The following KCNJ12 variants were observed in gnomAD, a reference collection of about 807,000 sequenced individuals.
KCNJ12 encodes ATP-sensitive inward rectifier potassium channel 12.
A neutral mutation model predicts 22.3 loss-of-function variants in KCNJ12; 2 were observed. That is an observed-to-expected ratio of 0.09 (90% CI 0.04 to 0.28). The LOEUF is 0.28. KCNJ12 is among the 10% of genes least tolerant of loss of function. The pLI is 1.00. For missense variants in KCNJ12, 155 were observed against 633.3 expected (o/e 0.24, Z 8.11); for synonymous variants, 117 against 261.4 (o/e 0.45, Z 5.33).
chr17:21,398,648 T>G (rs1905464635), intron 1 of KCNJ12, among the ~76,000 whole-genome samples: 1 of 152,242 alleles, frequency 6.6e-6, no homozygotes, highest in South Asian at 2.1e-4. Flanking sequence ...TTCCTGGTGC[T>G]TCCCGCTGTC....
intron 1 of KCNJ12, among the ~76,000 whole-genome samples, chr17:21,381,847 T>C (rs1555557960): frequency 6.6e-6 from 1 of 152,242 alleles, no homozygotes; most frequent in Non-Finnish European, 1.5e-5. Flanking sequence ...GTGTCCCCAG[T>C]GCCTAAGCGG....
At chr17:21,399,357 C>G (rs1289960651) in intron 1 of KCNJ12, among the ~76,000 whole-genome samples, 2 of 152,206 alleles carry the variant, frequency 1.3e-5, no homozygotes, top group Non-Finnish European at 2.9e-5. Context: ...CAAAATAGGT[C>G]CTTTCTTCCT....
At chr17:21,393,639 C>T (rs561440732) in intron 1 of KCNJ12, among the ~76,000 whole-genome samples, 8 of 152,364 alleles carry the variant, frequency 5.3e-5, no homozygotes, top group Middle Eastern at 3.4e-3. Flanking sequence ...GGGGCTCCAC[C>T]TCATGGTTCC....
At chr17:21,391,761 C>T (rs1268888093) in intron 1 of KCNJ12, among the ~76,000 whole-genome samples, 2 of 152,222 alleles carry the variant, frequency 1.3e-5, no homozygotes, top group African/African-American at 4.8e-5. Context: ...GCACCTGGAT[C>T]CTACATGGTC....
In KCNJ12 at chr17:21,415,628, C is replaced by G. The variant is rs782252036; in HGVS notation, c.286C>G (p.Leu96Val). 6.2e-7 allele frequency: 1 copy of G among 1,613,758 alleles called. No homozygotes were observed. Among genetic ancestry groups the G allele is most frequent in the Non-Finnish European group, 8.5e-7 (1 of 1,180,000 alleles). The part of the protein sequence containing the change: ...IFSLAFLASW[L>V]LFGIIFWVIA... Reference sequence around the variant, plus strand: ...CTCGCTGGCCTTCCTTGCCTCCTGGCTGCTGTTCGGCATCATCTTCTGGGT... The same window carrying G: ...CTCGCTGGCCTTCCTTGCCTCCTGGGTGCTGTTCGGCATCATCTTCTGGGT... Residue 96 changes from leucine to valine, a missense_variant, in exon 3 of 3, where the codon CTG becomes GTG. Physicochemically the swap from Leu to Val is conservative, Grantham distance 32. Coordinates refer to ENST00000583088, the MANE Select transcript of KCNJ12 (RefSeq NM_021012.5).
At chr17:21,385,449 G>A (rs533111935) in intron 1 of KCNJ12, among the ~76,000 whole-genome samples, 29 of 152,308 alleles carry the variant, frequency 1.9e-4, no homozygotes, top group African/African-American at 1.2e-4. Context: ...ATTCTGCTGT[G>A]TGGCCGGAGG....
intron 1 of KCNJ12, among the ~76,000 whole-genome samples, chr17:21,384,131 G>A (rs1273470498): frequency 6.6e-6 from 1 of 152,096 alleles, no homozygotes; most frequent in Non-Finnish European, 1.5e-5. Flanking sequence ...TATCTAAGTT[G>A]CCTTTTTTTA....
rs938811210 is a variant in KCNJ12 at position 21,376,445 on chromosome 17, C to G, written c.-647C>G. On this transcript the variant is annotated 5_prime_UTR_variant, in exon 1 of 3. Transcript: ENST00000583088. The surrounding 1 kb of genome is among the most constrained non-coding windows in gnomAD (Gnocchi z 5.3). ...TCCCGCCGCCTCCTCGCCCTCCATT[C>G]CTCGCTCCCCGTCTTCTCCCGGCCA... The G allele has an allele frequency of 6.6e-6, 1 of 152,064 alleles. No homozygotes were observed. The highest frequency in any genetic ancestry group is 1.5e-5 in the Non-Finnish European group (1 of 68,064). The allele number at this position is 152,064 out of a possible 1,614,324, so 9.4% of individuals were successfully genotyped here.
rs1370433922 is a variant in KCNJ12 at position 21,415,599 on chromosome 17, T to A, written c.257T>A (p.Ile86Asn). ...ATCCGCTGGCGGTACATGCTGCTCA[T>A]CTTCTCGCTGGCCTTCCTTGCCTCC... The part of the protein sequence containing the change: ...VDIRWRYMLL[I>N]FSLAFLASWL... Residue 86 changes from isoleucine (I) to asparagine (N), a missense_variant, in exon 3 of 3, where the codon ATC becomes AAC. Coordinates refer to ENST00000583088, the MANE Select transcript of KCNJ12 (RefSeq NM_021012.5). The A allele has an allele frequency of 6.2e-7, 1 of 1,614,098 alleles. No individual in the cohort carries two copies. The highest frequency in any genetic ancestry group is 8.5e-7 in the Non-Finnish European group (1 of 1,180,050).
At position 21,415,384 on chromosome 17, in the gene KCNJ12, A is replaced by G. The variant is rs147000990; in HGVS notation, c.42A>G (p.Ser14=). The part of the protein sequence containing the change: ...ASRANPYSIV[S]SEEDGLHLVT... ...GGGCCAACCCCTACAGCATCGTGTCATCGGAGGAGGACGGGCTGCACCTGG... is the reference window on the plus strand; with the variant it reads ...GGGCCAACCCCTACAGCATCGTGTCGTCGGAGGAGGACGGGCTGCACCTGG... Residue 14 remains serine, a synonymous_variant, in exon 3 of 3, where the codon TCA becomes TCG. Coordinates refer to ENST00000583088, the MANE Select transcript of KCNJ12 (RefSeq NM_021012.5). 454 of 1,612,534 alleles carry G rather than the reference A, an allele frequency of 2.8e-4. No individual in the cohort carries two copies. The African/African-American group carries it at 5.1e-3, about 18-fold the overall frequency.
chr17:21,414,659 A>G (rs563493079), intron 2 of KCNJ12, among the ~76,000 whole-genome samples: 3 of 152,290 alleles, frequency 2.0e-5, no homozygotes, highest in Non-Finnish European at 4.4e-5. Flanking sequence ...TTCCTGGGGC[A>G]CAAGGAGGCC....
At chr17:21,389,677 G>A (rs1291846612) in intron 1 of KCNJ12, among the ~76,000 whole-genome samples, 1 of 152,078 alleles carries the variant, frequency 6.6e-6, no homozygotes, top group African/African-American at 2.4e-5. Flanking sequence ...GGCAGGGACG[G>A]TTTCCTGGGG....
At chr17:21,394,122 G>A (rs1567699065) in intron 1 of KCNJ12, among the ~76,000 whole-genome samples, 1 of 152,136 alleles carries the variant, frequency 6.6e-6, no homozygotes, top group South Asian at 2.1e-4. Flanking sequence ...TGGGGATCTC[G>A]TCACGTGTCA....
At chr17:21,402,897 T>G (rs1905708586) in intron 1 of KCNJ12, among the ~76,000 whole-genome samples, 1 of 152,308 alleles carries the variant, frequency 6.6e-6, no homozygotes, top group African/African-American at 2.4e-5. Context: ...GCAGGACACC[T>G]GGGTGCTAGG....
rs1907013919 is a variant in KCNJ12, at chr17:21,419,248, C to T, written c.*2604C>T. 6.0e-6 allele frequency: 1 copy of T among 166,724 alleles called. No homozygotes were observed. Among genetic ancestry groups the T allele is most frequent in the South Asian group, 2.1e-4 (1 of 4,806 alleles). The allele number at this position is 166,724 out of a possible 1,614,324, so 10.3% of individuals were successfully genotyped here. A position where few individuals can be genotyped will look rare whatever the true frequency, so the allele number is the denominator to read the frequency against. On this transcript the variant is annotated 3_prime_UTR_variant, in exon 3 of 3. Transcript: ENST00000583088. The stretch of plus-strand genomic sequence containing the variant: ...GTGTGGTGCACACATGCACACTCGG[C>T]TCTTCATGTGTATGACTGGGTTAGT...
At chr17:21,410,069 A>C (rs1740575233) in intron 2 of KCNJ12, among the ~76,000 whole-genome samples, 1 of 152,112 alleles carries the variant, frequency 6.6e-6, no homozygotes, top group African/African-American at 2.4e-5. Flanking sequence ...TCCCCCATCC[A>C]GCCAAGCTTC....
At chr17:21,382,855 A>G (rs74447357) in intron 1 of KCNJ12, among the ~76,000 whole-genome samples, 1,537 of 152,302 alleles carry the variant, frequency 0.01, 33 homozygotes, top group African/African-American at 0.035. Flanking sequence ...GAGGACTGGC[A>G]GCAGGGATAC....
chr17:21,415,348 C>G lies in KCNJ12; in HGVS notation c.6C>G (p.Thr2=). The G allele has an allele frequency of 1.2e-6, 2 of 1,606,750 alleles. No individual in the cohort carries two copies. Among genetic ancestry groups the G allele is most frequent in the Non-Finnish European group, 1.7e-6 (2 of 1,179,592 alleles). ...AGGGTCCCCCAACCCCCGGGATGAC[C>G]GCGGCCAGCCGGGCCAACCCCTACA... M[T]AASRANPYSI... Residue 2 remains threonine (T), a synonymous_variant, in exon 3 of 3, where the codon ACC becomes ACG. Transcript: ENST00000583088.
intron 1 of KCNJ12, among the ~76,000 whole-genome samples, chr17:21,396,454 GC>G (rs1905366740): frequency 6.6e-6 from 1 of 152,198 alleles, no homozygotes; most frequent in African/African-American, 2.4e-5. Flanking sequence ...GCCCTGGCAT[GC>G]CCATCCCAGT....
Sources: allele counts gnomAD v4.1 joint callset (sites outside exome capture counted in the v4.1 genomes callset), GRCh38; gene constraint gnomAD v4.1.1; non-coding constraint Gnocchi (gnomAD v3.1); transcripts MANE v1.5; gene names NCBI Gene and HGNC (gene_info 2026-07-23, HGNC 2026-07-21).